The following VTI1A variants were observed in gnomAD, a reference collection of about 807,000 sequenced individuals.
The protein encoded by VTI1A is vesicle transport through interaction with t-SNAREs 1A, also known as vesicle transport through interaction with t-SNAREs homolog 1A.
Under a neutral mutation model 34.9 loss-of-function variants are expected in VTI1A, and 22 were observed. The ratio of observed to expected loss-of-function variants is 0.63; its 90% CI spans 0.45 to 0.90. The LOEUF (loss-of-function observed/expected upper bound fraction) is 0.90, where lower values mean the gene tolerates loss of function less well. Among genes scored for constraint, VTI1A ranks in the 40% least tolerant of loss-of-function variants. The pLI is 0.00. For synonymous variants in VTI1A, 87 were observed against 97.3 expected (o/e 0.89, Z 0.62); for missense variants, 268 against 275.6 (o/e 0.97, Z 0.20).
At chr10:112,787,944 C>T (rs949992504) in intron 7 of VTI1A, among the ~76,000 whole-genome samples, 5 of 151,828 alleles carry the variant, frequency 3.3e-5, no homozygotes, top group African/African-American at 1.2e-4. Context: ...TCAAGTGATC[C>T]ACCTGCCTCG....
chr10:112,447,195 C>T (rs958300528), upstream of VTI1A: 11 of 594,966 alleles, frequency 1.8e-5, no homozygotes, highest in Non-Finnish European at 2.9e-5. Context: ...ACCCAATTTC[C>T]GGAGAACCGA....
At chr10:112,854,205 G>A in the VTI1A span, among the ~76,000 whole-genome samples, 1,863 of 152,262 alleles carry the variant, frequency 0.012, 26 homozygotes, top group South Asian at 0.03. Flanking sequence ...TATTCCAAAG[G>A]CCTGCTGGCC....
intron 5 of VTI1A, among the ~76,000 whole-genome samples, chr10:112,566,841 A>T (rs1851920306): frequency 6.6e-6 from 1 of 152,130 alleles, no homozygotes; most frequent in African/African-American, 2.4e-5. Context: ...TATAGAAAGT[A>T]TATTTGTCAG....
At chr10:112,490,130 A>G (rs888394499) in intron 3 of VTI1A, among the ~76,000 whole-genome samples, 4 of 152,180 alleles carry the variant, frequency 2.6e-5, no homozygotes, top group African/African-American at 7.2e-5. Context: ...AATCAATGCC[A>G]CTTGTTCCTG....
chr10:112,532,585 C>A (rs1850486396), intron 4 of VTI1A, among the ~76,000 whole-genome samples: 1 of 151,880 alleles, frequency 6.6e-6, no homozygotes, highest in Non-Finnish European at 1.5e-5. Flanking sequence ...TATTTTAGTT[C>A]CTAAAGAGTT....
At chr10:112,691,007 C>T (rs1386701483) in intron 7 of VTI1A, among the ~76,000 whole-genome samples, 2 of 152,142 alleles carry the variant, frequency 1.3e-5, no homozygotes, top group African/African-American at 2.4e-5. Flanking sequence ...GTGGTTCACA[C>T]CTGTAATTCC....
chr10:112,502,032 T>A (rs1303174954), intron 3 of VTI1A, among the ~76,000 whole-genome samples: 1 of 149,866 alleles, frequency 6.7e-6, no homozygotes, highest in Non-Finnish European at 1.5e-5. Flanking sequence ...TACTTTTTTT[T>A]TTTTTTTTTT....
chr10:112,829,796 A>T, the VTI1A span, among the ~76,000 whole-genome samples: 1 of 152,308 alleles, frequency 6.6e-6, no homozygotes, highest in South Asian at 2.1e-4. Context: ...GAAAATGGAG[A>T]CTATGAGAAA....
At chr10:112,611,008 A>C (rs1845287640) in intron 5 of VTI1A, among the ~76,000 whole-genome samples, 1 of 152,098 alleles carries the variant, frequency 6.6e-6, no homozygotes, top group Admixed American at 6.5e-5. Flanking sequence ...GAAAATGTCT[A>C]TCAGTTGTTG....
chr10:112,562,221 C>T (rs572260924), intron 5 of VTI1A, among the ~76,000 whole-genome samples: 6 of 152,176 alleles, frequency 3.9e-5, no homozygotes, highest in Non-Finnish European at 5.9e-5. Flanking sequence ...AAAGTATCAT[C>T]GTCCAGAAAC....
intron 7 of VTI1A, among the ~76,000 whole-genome samples, chr10:112,761,901 G>A (rs1369884971): frequency 2.6e-5 from 4 of 151,558 alleles, no homozygotes; most frequent in Admixed American, 2.6e-4. Context: ...ATCTTATTTT[G>A]TTTTCTGAAT....
chr10:112,614,332 G>C (rs769720857), intron 5 of VTI1A, among the ~76,000 whole-genome samples: 3 of 152,272 alleles, frequency 2.0e-5, no homozygotes, highest in Non-Finnish European at 4.4e-5. Context: ...CTAAGGTGGC[G>C]CTTTTATTTT....
At chr10:112,589,434 GT>G in intron 5 of VTI1A, among the ~76,000 whole-genome samples, 1 of 152,012 alleles carries the variant, frequency 6.6e-6, no homozygotes, top group African/African-American at 2.4e-5. Flanking sequence ...GGAACTGTAA[GT>G]TCCACCCAGC....
At chr10:112,551,639 A>G (rs1360873475) in intron 5 of VTI1A, among the ~76,000 whole-genome samples, 1 of 152,248 alleles carries the variant, frequency 6.6e-6, no homozygotes, top group Non-Finnish European at 1.5e-5. Flanking sequence ...ATCTTGGCAA[A>G]ATGCCTATGG....
intron 7 of VTI1A, among the ~76,000 whole-genome samples, chr10:112,675,227 T>C (rs1590056682): frequency 6.6e-6 from 1 of 152,318 alleles, no homozygotes; most frequent in South Asian, 2.1e-4. Flanking sequence ...TGTTATACGT[T>C]ATCTTCTTTC....
At chr10:112,525,823 C>A (rs1019988990) in intron 3 of VTI1A, among the ~76,000 whole-genome samples, 1 of 152,076 alleles carries the variant, frequency 6.6e-6, no homozygotes, top group Admixed American at 6.5e-5. Flanking sequence ...AAATGTAATA[C>A]GTTTGATGTT....
chr10:112,811,712 A>AAAAAAAAGGT (rs67154330), intron 7 of VTI1A, among the ~76,000 whole-genome samples: 3 of 84,066 alleles, frequency 3.6e-5, no homozygotes, highest in African/African-American at 9.5e-5. Context: ...AAAAAAAAAA[A>AAAAAAAAGGT]GAGTGCAGTC....
intron 5 of VTI1A, among the ~76,000 whole-genome samples, chr10:112,663,760 C>G (rs1003223134): frequency 2.0e-5 from 3 of 152,190 alleles, no homozygotes; most frequent in Admixed American, 2.0e-4. Flanking sequence ...GTGTCAATCC[C>G]TCTGCTTCCT....
At chr10:112,841,760 G>C in the VTI1A span, among the ~76,000 whole-genome samples, 1 of 152,224 alleles carries the variant, frequency 6.6e-6, no homozygotes, top group Non-Finnish European at 1.5e-5. Context: ...TCAGTCACCA[G>C]GGTTTGGCAG....
Sources: gnomAD v4.1 joint callset for allele counts (sites outside exome capture counted in the v4.1 genomes callset) on GRCh38, gnomAD v4.1.1 for gene constraint, MANE v1.5 for transcripts, NCBI Gene and HGNC (gene_info 2026-07-23, HGNC 2026-07-21) for gene names.